AMHR2: variants seen among roughly 807,000 people sequenced by gnomAD.
The protein encoded by AMHR2 is anti-Mullerian hormone receptor type 2.
Under a neutral mutation model 61.4 loss-of-function variants are expected in AMHR2, and 36 were observed. The observed-to-expected ratio is 0.59, with a 90% CI of 0.45 to 0.77. The LOEUF is 0.77. Ranked by LOEUF, AMHR2 falls within the 30% of genes least tolerant of loss-of-function variation. The pLI, the probability that AMHR2 is intolerant of heterozygous loss-of-function variation, is 0.00. For missense variants in AMHR2, 638 were observed against 714.6 expected (o/e 0.89, Z 1.22); for synonymous variants, 258 against 279.4 (o/e 0.92, Z 0.76).
In AMHR2 at chr12:53,424,922, A is replaced by G. The variant is rs763884273; in HGVS notation, c.424+22A>G. Reference sequence around the variant, plus strand: ...CCAGGTAGCCACCCAAGGGTACTGAAGCCTGATGGGGGCTGGGGCCCAGGT... The same window carrying G: ...CCAGGTAGCCACCCAAGGGTACTGAGGCCTGATGGGGGCTGGGGCCCAGGT... On this transcript the variant is annotated intron_variant, in intron 3 of 10. Coordinates refer to ENST00000257863, the MANE Select transcript of AMHR2 (RefSeq NM_020547.3). 1.4e-5 allele frequency: 22 copies of G among 1,605,506 alleles called. No individual in the cohort carries two copies. The South Asian group carries it at 2.3e-4, about 17-fold the overall frequency.
At position 53,424,814 on chromosome 12, in the gene AMHR2, C is replaced by T. The variant is rs1939400339; in HGVS notation, c.338C>T (p.Thr113Ile). Reference protein sequence around the residue: ...GSTLFTCSCGTDFCNANYSHL... With the variant: ...GSTLFTCSCGIDFCNANYSHL... ...ACTCTCTTCACCTGCTCCTGTGGCA[C>T]TGACTTCTGCAATGCCAATTACAGC... The change falls in exon 3 of 11, where the codon ACT becomes ATT. Residue 113 changes from threonine to isoleucine, a missense_variant. Thr to Ile is a moderately conservative substitution (Grantham distance 89). Coordinates refer to ENST00000257863, the MANE Select transcript of AMHR2 (RefSeq NM_020547.3). 21 of 1,613,944 alleles carry T rather than the reference C, an allele frequency of 1.3e-5. No individual in the cohort carries two copies. Among genetic ancestry groups the T allele is most frequent in the Non-Finnish European group, 1.6e-5 (19 of 1,179,992 alleles).
chr12:53,430,030 AGG>A (rs1939977727), intron 9 of AMHR2, 52 bp downstream of exon 9: 1 of 1,613,952 alleles, frequency 6.2e-7, no homozygotes, highest in Non-Finnish European at 8.5e-7. Context: ...CGCCCATTCT[AGG>A]TTCACCCCAA....
chr12:53,425,053 G>A (rs1939432154), intron 3 of AMHR2, 112 bp from the exon 4 acceptor site: 2 of 1,590,634 alleles, frequency 1.3e-6, no homozygotes, highest in South Asian at 2.2e-5. Context: ...GGAGATAAGG[G>A]GTCTTGTGAC....
At position 53,430,172 on chromosome 12, in the gene AMHR2, G is replaced by T. The variant is rs1214720331; in HGVS notation, c.1315G>T (p.Ala439Ser). Residue 439 changes from alanine (A) to serine (S), a missense_variant, in exon 10 of 11, where the codon GCC becomes TCC. By Grantham distance (99) the Ala-to-Ser change is moderately conservative (BLOSUM62 1). Coordinates refer to ENST00000257863, the MANE Select transcript of AMHR2 (RefSeq NM_020547.3). ...CAGCAGTCCACCACCCTTCCAACTG[G>T]CCTATGAGGCAGAACTGGGCAATAC... The part of the protein sequence containing the change: ...PDSSPPPFQL[A>S]YEAELGNTPT... 6.2e-7 allele frequency: 1 copy of T among 1,613,990 alleles called. No individual in the cohort carries two copies. The highest frequency in any genetic ancestry group is 8.5e-7 in the Non-Finnish European group (1 of 1,180,024).
At position 53,424,699 on chromosome 12, in the gene AMHR2, A is replaced by G. The variant is rs1279434300; in HGVS notation, c.233-10A>G. The G allele has an allele frequency of 5.6e-6, 9 of 1,612,486 alleles. No individual in the cohort carries two copies. The highest frequency in any genetic ancestry group is 7.6e-6 in the Non-Finnish European group (9 of 1,179,272). ...CTTTCTCTCCTCTTCCCCTAATCCC[A>G]TCCCATCAGGATGCCGAGACAGTGA... On this transcript the variant is annotated splice_polypyrimidine_tract_variant and intron_variant, in intron 2 of 10. Coordinates refer to ENST00000257863, the MANE Select transcript of AMHR2 (RefSeq NM_020547.3).
intron 1 of AMHR2, 122 bp downstream of exon 1, chr12:53,424,105 T>C (rs1939305456): frequency 7.4e-7 from 1 of 1,345,500 alleles, no homozygotes; most frequent in Non-Finnish European, 1.1e-6. Flanking sequence ...GGGTGAAGGA[T>C]AGAGCCATGT....
Position 53,424,867 on chromosome 12 carries a change from A to G in AMHR2, c.391A>G (p.Thr131Ala), listed in dbSNP as rs762025424. ...TCTGCCTCCTCCAGGGAGCCCTGGG[A>G]CTCCTGGCTCCCAGGGTCCCCAGGC... ...SHLPPPGSPG[T>A]PGSQGPQAAP... Residue 131 changes from threonine (T) to alanine (A), a missense_variant, in exon 3 of 11, where the codon ACT becomes GCT. Coordinates refer to ENST00000257863, the MANE Select transcript of AMHR2 (RefSeq NM_020547.3). The G allele has an allele frequency of 1.9e-6, 3 of 1,612,610 alleles. No homozygotes were observed. In the Admixed American group the frequency reaches 5.0e-5, roughly 27 times the overall value.
intron 8 of AMHR2, 21 bp from the exon 9 acceptor site, chr12:53,429,810 C>T: frequency 2.5e-6 from 4 of 1,614,066 alleles, no homozygotes. Flanking sequence ...GATTCTTGGC[C>T]CTTCGTGCCT....
In AMHR2 at chr12:53,423,970, C is replaced by T. The variant is rs780471143; in HGVS notation, c.36C>T (p.Pro12=). 1 of 1,614,122 alleles carries T rather than the reference C, an allele frequency of 6.2e-7. No homozygotes were observed. The highest frequency in any genetic ancestry group is 1.1e-5 in the South Asian group (1 of 91,066). ...LGSLGLWALL[P]TAVEAPPNRR... ...CTTTGGGGCTTTGGGCATTACTTCC[C>T]ACAGCTGTGGAAGGTAAGTGTCTAC... is the stretch of plus-strand genomic sequence containing the variant. Residue 12 remains proline (P), a synonymous_variant, in exon 1 of 11, where the codon CCC becomes CCT. Transcript: ENST00000257863.
Position 53,425,223 on chromosome 12 carries a change from G to T in AMHR2, c.483G>T (p.Leu161=), listed in dbSNP as rs370278873. ...GGCTGTTCCTCCTCCTCCTGCTGCTGCTGGGCAGCATCATCTTGGGTACTA... is the reference window on the plus strand; with the variant it reads ...GGCTGTTCCTCCTCCTCCTGCTGCTTCTGGGCAGCATCATCTTGGGTACTA... ...LLGLFLLLLL[L]LGSIILALLQ... The change falls in exon 4 of 11, where the codon CTG becomes CTT. Residue 161 remains leucine, a synonymous_variant. Coordinates refer to ENST00000257863, the MANE Select transcript of AMHR2 (RefSeq NM_020547.3). 3 of 1,613,680 alleles carry T rather than the reference G, an allele frequency of 1.9e-6. No homozygotes were observed. Among genetic ancestry groups the T allele is most frequent in the Middle Eastern group, 1.6e-4 (1 of 6,084 alleles).
At position 53,429,828 on chromosome 12, in the gene AMHR2, C is replaced by T. The variant is rs143500484; in HGVS notation, c.1141-3C>T. ...TCTTGGCCCTTCGTGCCTTGCTCTCCAGGCTGGCACCCAGAGGTACATGGC... is the reference window on the plus strand; with the variant it reads ...TCTTGGCCCTTCGTGCCTTGCTCTCTAGGCTGGCACCCAGAGGTACATGGC... On this transcript the variant is annotated splice_region_variant and splice_polypyrimidine_tract_variant and intron_variant, in intron 8 of 10. Transcript: ENST00000257863. 3.3e-4 allele frequency: 535 copies of T among 1,614,166 alleles called. No homozygotes were observed. The African/African-American group carries it at 6.0e-3, about 18-fold the overall frequency.
At chr12:53,424,129 G>A in intron 1 of AMHR2, 146 bp downstream of exon 1, 1 of 1,313,894 alleles carries the variant, frequency 7.6e-7, no homozygotes, top group Non-Finnish European at 1.1e-6. Context: ...CCCATGGCAG[G>A]GCTCAGGTTC....
intron 10 of AMHR2, chr12:53,430,624 C>G (rs784889): frequency 5.0e-5 from 22 of 443,242 alleles, no homozygotes; most frequent in Admixed American, 6.9e-5. Flanking sequence ...GAGCTCTGCC[C>G]CATCTGCTCT....
chr12:53,431,240 A>G lies in AMHR2; in HGVS notation c.1489A>G (p.Thr497Ala), dbSNP rs1162885669. Residue 497 changes from threonine to alanine, a missense_variant, in exon 11 of 11, where the codon ACA (threonine) becomes GCA (alanine). Coordinates refer to ENST00000257863, the MANE Select transcript of AMHR2 (RefSeq NM_020547.3). ...CWDADPEARL[T>A]AECVQQRLAA... ...GGATGCAGACCCAGAAGCACGGCTG[A>G]CAGCTGAGTGTGTACAGCAGCGCCT... The G allele has an allele frequency of 6.2e-7, 1 of 1,614,250 alleles. No homozygotes were observed. The highest frequency in any genetic ancestry group is 2.2e-5 in the East Asian group (1 of 44,888).
chr12:53,424,906 C>T lies in AMHR2; in HGVS notation c.424+6C>T, dbSNP rs1178199891. ...GGGTCCCCAGGCTGCCCCAGGTAGCCACCCAAGGGTACTGAAGCCTGATGG... is the reference window on the plus strand; with the variant it reads ...GGGTCCCCAGGCTGCCCCAGGTAGCTACCCAAGGGTACTGAAGCCTGATGG... On this transcript the variant is annotated splice_donor_region_variant and intron_variant, in intron 3 of 10. Coordinates refer to ENST00000257863, the MANE Select transcript of AMHR2 (RefSeq NM_020547.3). 1.2e-6 allele frequency: 2 copies of T among 1,609,562 alleles called. No homozygotes were observed. The highest frequency in any genetic ancestry group is 1.1e-5 in the South Asian group (1 of 91,054).
Position 53,431,574 on chromosome 12 carries a change from C to G in AMHR2, c.*101C>G, listed in dbSNP as rs1360216898. The G allele has an allele frequency of 6.7e-7, 1 of 1,489,866 alleles. No individual in the cohort carries two copies. Among genetic ancestry groups the G allele is most frequent in the African/African-American group, 1.4e-5 (1 of 72,442 alleles). 92.3% of individuals were successfully genotyped at this position (1,489,866 alleles called of 1,614,324 possible). On this transcript the variant is annotated 3_prime_UTR_variant, in exon 11 of 11. Transcript: ENST00000257863. ...CACTGCATTTCCCACCTGCCGAATC[C>G]TTGGATTCTTCTGCGGGCATCCAGT...
intron 1 of AMHR2, 91 bp downstream of exon 1, chr12:53,424,074 G>C (rs1939302044): frequency 8.0e-6 from 12 of 1,505,280 alleles, no homozygotes; most frequent in South Asian, 1.1e-5. Flanking sequence ...TGGAAGAGTG[G>C]TGAGTGGGCT....
chr12:53,430,102 A>AC, intron 9 of AMHR2, 44 bp from the exon 10 acceptor site: 1 of 1,613,860 alleles, frequency 6.2e-7, no homozygotes, highest in Non-Finnish European at 8.5e-7. Flanking sequence ...CATGGTAGGC[A>AC]CCCCTAGGAC....
chr12:53,430,123 C>T (rs1939987131), intron 9 of AMHR2, 23 bp from the exon 10 acceptor site: 2 of 1,614,178 alleles, frequency 1.2e-6, no homozygotes, highest in East Asian at 2.2e-5. Context: ...TAACTGATAC[C>T]CAGCCCCTCT....
Sources: gnomAD v4.1 joint callset for allele counts on GRCh38, gnomAD v4.1.1 for gene constraint, MANE v1.5 for transcripts, NCBI Gene and HGNC (gene_info 2026-07-23, HGNC 2026-07-21) for gene names.